TNRC6C: variants seen among roughly 807,000 people sequenced by gnomAD.
TNRC6C encodes trinucleotide repeat-containing gene 6C protein.
Under a neutral mutation model 153.7 loss-of-function variants are expected in TNRC6C, and 20 were observed. That is an observed-to-expected ratio of 0.13 (90% CI 0.09 to 0.19). The LOEUF (loss-of-function observed/expected upper bound fraction) is 0.19, where lower values mean the gene tolerates loss of function less well. Ranked by LOEUF, TNRC6C falls within the 10% of genes least tolerant of loss-of-function variation. The pLI is 1.00. For synonymous variants in TNRC6C, 811 were observed against 841.4 expected (o/e 0.96, Z 0.63); for missense variants, 1,987 against 2,172.0 (o/e 0.91, Z 1.69).
intron 1 of TNRC6C, among the ~76,000 whole-genome samples, chr17:78,018,138 G>A (rs571718266): frequency 1.3e-5 from 2 of 151,778 alleles, no homozygotes; most frequent in East Asian, 1.9e-4. Context: ...TGTTTTTTTG[G>A]TTTTTTTGAG....
At chr17:78,067,216 C>T (rs1422125547) in intron 4 of TNRC6C, among the ~76,000 whole-genome samples, 3 of 152,064 alleles carry the variant, frequency 2.0e-5, no homozygotes, top group Admixed American at 2.0e-4. Flanking sequence ...TGTGGTGGCA[C>T]ATGCCTGTAG....
Position 78,104,521 on chromosome 17 carries a change from C to T in TNRC6C, c.4749C>T (p.Phe1583=), listed in dbSNP as rs1280281723. The change falls in exon 20 of 20, where the codon TTC becomes TTT. Residue 1583 remains phenylalanine, a synonymous_variant. Transcript: ENST00000301624. The surrounding 1 kb of genome is among the most constrained non-coding windows in gnomAD (Gnocchi z 6.2). ...GAAACACTACCATCCTGGCCGAGTT[C>T]GCTGGTGAAGAAGAAGTGAATCGCT... 7.2e-6 allele frequency: 11 copies of T among 1,528,848 alleles called. No homozygotes were observed. In the Middle Eastern group the frequency reaches 5.2e-4, roughly 72 times the overall value. 94.7% of individuals were successfully genotyped at this position (1,528,848 alleles called of 1,614,324 possible).
chr17:78,056,888 T>G (rs2072669990), intron 3 of TNRC6C, among the ~76,000 whole-genome samples: 1 of 141,606 alleles, frequency 7.1e-6, no homozygotes, highest in South Asian at 2.4e-4. Flanking sequence ...TTTATAGATT[T>G]TTTTAAACAA....
At chr17:77,975,686 A>AC (rs1178299716) in intron 1 of TNRC6C, among the ~76,000 whole-genome samples, 24 of 152,188 alleles carry the variant, frequency 1.6e-4, no homozygotes, top group African/African-American at 5.3e-4. Flanking sequence ...GTAAGAGTAA[A>AC]GGTTCAACAA....
At chr17:78,014,799 C>T (rs1166420865) in intron 1 of TNRC6C, among the ~76,000 whole-genome samples, 1 of 151,482 alleles carries the variant, frequency 6.6e-6, no homozygotes, top group African/African-American at 2.4e-5. Flanking sequence ...CAAATGTTGC[C>T]ACGGTGATAG....
chr17:78,012,458 T>G (rs2143396227), intron 1 of TNRC6C, among the ~76,000 whole-genome samples: 1 of 152,334 alleles, frequency 6.6e-6, no homozygotes. Context: ...AGTTTACCTG[T>G]GTAACAAACC....
rs1454372842 is a variant in TNRC6C, at chr17:77,984,356, TAAAAAAAAAAAAC to T, written c.-37-19802_-37-19790del. Among the ~76,000 whole-genome samples, 781 of 135,686 alleles carry T rather than the reference TAAAAAAAAAAAAC, an allele frequency of 5.8e-3. 6 individuals are homozygous for T. Among genetic ancestry groups the T allele is most frequent in the African/African-American group, 0.02 (747 of 36,882 alleles). The allele number at this position is 135,686 out of a possible 152,430, so 89.0% of individuals were successfully genotyped here. A position where few individuals can be genotyped will look rare whatever the true frequency, so the allele number is the denominator to read the frequency against. ...AACATAGCAAGACCTCATCAATACT[TAAAAAAAAAAAAC>T]AAAAAAAAAAACAGCCACGTGTGGT... On this transcript the variant is annotated intron_variant, in intron 1 of 22. Coordinates refer to the TNRC6C transcript ENST00000636222.
chr17:78,102,458 TC>T lies in TNRC6C; in HGVS notation c.4502-12del. 6.2e-7 allele frequency: 1 copy of T among 1,601,520 alleles called. No individual in the cohort carries two copies. The highest frequency in any genetic ancestry group is 1.1e-5 in the South Asian group (1 of 88,518). On this transcript the variant is annotated splice_polypyrimidine_tract_variant and intron_variant, in intron 17 of 19. Transcript: ENST00000301624. Reference sequence around the variant, plus strand: ...GCACGGGGCCTTGTCAACCAGGTTCTCCCCTCTTGTTGCAGGTTCTGCCTGG... The same window carrying T: ...GCACGGGGCCTTGTCAACCAGGTTCTCCCTCTTGTTGCAGGTTCTGCCTGG...
rs118080372 is a variant in TNRC6C, at chr17:78,047,528, G to A, written c.-218-1317G>A. Among the ~76,000 whole-genome samples, 329 of 152,118 alleles carry A rather than the reference G, an allele frequency of 2.2e-3. 2 individuals are homozygous for A. The highest frequency in any genetic ancestry group is 4.5e-3 in the Admixed American group (68 of 15,272). Reference sequence around the variant, plus strand: ...TTTAGGTTGATATTAGCTTTAGTATGGTCTTTCTAATGCTAATTTTTTTTG... The same window carrying A: ...TTTAGGTTGATATTAGCTTTAGTATAGTCTTTCTAATGCTAATTTTTTTTG... On this transcript the variant is annotated intron_variant, in intron 2 of 19. Coordinates refer to ENST00000301624, the Ensembl canonical transcript of TNRC6C.
At chr17:77,966,049 T>C (rs1244528900) in intron 1 of TNRC6C, among the ~76,000 whole-genome samples, 1 of 152,210 alleles carries the variant, frequency 6.6e-6, no homozygotes, top group African/African-American at 2.4e-5. Flanking sequence ...TCTGAAAGGC[T>C]GGCAAAGCTT....
chr17:78,022,898 TTTTTC>T (rs1246472538), intron 1 of TNRC6C, among the ~76,000 whole-genome samples: 4 of 152,234 alleles, frequency 2.6e-5, no homozygotes, highest in Admixed American at 6.5e-5. Context: ...TGCAGACCTT[TTTTTC>T]TTATTATTCC....
intron 1 of TNRC6C, among the ~76,000 whole-genome samples, chr17:78,013,199 A>G (rs1021531257): frequency 6.6e-6 from 1 of 152,202 alleles, no homozygotes; most frequent in African/African-American, 2.4e-5. Context: ...ACACCTTCCT[A>G]AGGACTTTAG....
chr17:78,041,330 G>A (rs1257543240), intron 2 of TNRC6C, among the ~76,000 whole-genome samples: 2 of 152,124 alleles, frequency 1.3e-5, no homozygotes, highest in African/African-American at 4.8e-5. Context: ...ACGGAGCAGA[G>A]ACTTACCCAT....
intron 2 of TNRC6C, among the ~76,000 whole-genome samples, chr17:78,033,609 C>T (rs143883182): frequency 2.6e-5 from 4 of 151,506 alleles, no homozygotes; most frequent in South Asian, 2.1e-4. Context: ...GTGGAGGTTG[C>T]GGCGAGCCGA....
At chr17:78,084,626 T>TC (rs1005670128) in intron 11 of TNRC6C, among the ~76,000 whole-genome samples, 6 of 150,018 alleles carry the variant, frequency 4.0e-5, no homozygotes, top group African/African-American at 1.5e-4. Context: ...TTTTTCTTTT[T>TC]TTTTTTTTTT....
chr17:78,051,531 G>C (rs4411562), intron 3 of TNRC6C, 83 bp downstream of exon 5: 3 of 1,282,886 alleles, frequency 2.3e-6, no homozygotes, highest in East Asian at 2.8e-5. Flanking sequence ...TGAATACTCC[G>C]AGTAGTGTTT....
rs1229961893 is a variant in TNRC6C at position 77,962,086 on chromosome 17, AG to A, written c.-38+2822del. Among the ~76,000 whole-genome samples, 15 of 152,268 alleles carry A rather than the reference AG, an allele frequency of 9.9e-5. No individual in the cohort carries two copies. In the East Asian group the frequency reaches 1.9e-3, roughly 20 times the overall value. On this transcript the variant is annotated intron_variant, in intron 1 of 22. Transcript: ENST00000636222. Reference sequence around the variant, plus strand: ...ACATTACCTCTCCAACCCCAATTGAAGGGGATGAGGTCTTGATTGTAACTTA... The same window carrying A: ...ACATTACCTCTCCAACCCCAATTGAAGGGATGAGGTCTTGATTGTAACTTA...
At chr17:78,067,096 ACTTTGG>A (rs2072895832) in intron 4 of TNRC6C, 1 of 152,196 alleles carries the variant, frequency 6.6e-6, no homozygotes, top group African/African-American at 2.4e-5. Flanking sequence ...TAATCCCAAC[ACTTTGG>A]GATGCCGAGG....
At position 78,049,604 on chromosome 17, in the gene TNRC6C, C is replaced by A; in HGVS notation, c.542C>A (p.Thr181Asn). Residue 181 changes from threonine (T) to asparagine (N), a missense_variant, in exon 3 of 20, where the codon ACT (threonine) becomes AAT (asparagine). Thr to Asn is a moderately conservative substitution (Grantham distance 65, BLOSUM62 0). Around this residue, in one of 4 missense-constraint regions of TNRC6C, gnomAD observed 1,052 missense variants for 1,017.0 expected, o/e 1.03. Coordinates refer to ENST00000301624, the Ensembl canonical transcript of TNRC6C. This position sits in a 1 kb window ranked among gnomAD's most constrained non-coding sequence, Gnocchi z 4.1. Reference sequence around the variant, plus strand: ...AGCGCACAACCTCAGAACCTTAACACTGATGGACCAAATAACACTAACCCC... The same window carrying A: ...AGCGCACAACCTCAGAACCTTAACAATGATGGACCAAATAACACTAACCCC... 1 of 1,614,018 alleles carries A rather than the reference C, an allele frequency of 6.2e-7. No homozygotes were observed. Among genetic ancestry groups the A allele is most frequent in the Non-Finnish European group, 8.5e-7 (1 of 1,179,904 alleles).
Sources: gnomAD v4.1 joint callset for allele counts (sites outside exome capture counted in the v4.1 genomes callset) on GRCh38, gnomAD v4.1.1 for gene constraint, gnomAD v4.1.1 regional missense constraint, Gnocchi (gnomAD v3.1) non-coding constraint, MANE v1.5 for transcripts, NCBI Gene and HGNC (gene_info 2026-07-23, HGNC 2026-07-21) for gene names.